The following TRAP1 variants were observed in gnomAD, a reference collection of about 807,000 sequenced individuals.
TRAP1 encodes the protein heat shock protein 75 kDa, mitochondrial.
In TRAP1, 102 loss-of-function variants were observed where a neutral mutation model predicts 89.1. The ratio of observed to expected loss-of-function variants is 1.15; its 90% CI spans 0.98 to 1.35. TRAP1 has a LOEUF of 1.35. Ranked by LOEUF, TRAP1 falls within the 40% of genes most tolerant of loss-of-function variation. The pLI is 0.00. For synonymous variants in TRAP1, 508 were observed against 388.0 expected, an observed-to-expected ratio of 1.31 and a Z score of -3.64; for missense variants, 1,256 against 945.3, an observed-to-expected ratio of 1.33 and a Z score of -4.31.
chr16:3,667,481 A>G (rs1436649195), intron 11 of TRAP1, among the ~76,000 whole-genome samples: 3 of 151,270 alleles, frequency 2.0e-5, no homozygotes, highest in Non-Finnish European at 4.4e-5. Context: ...AAAAATTACC[A>G]GGGCATGGTG....
rs760902038 is a variant in TRAP1, at chr16:3,670,382, C to CAAAAAAAAAAAAAAAAAAAA, written c.1235+1320_1235+1339dup. On this transcript the variant is annotated intron_variant, in intron 11 of 17. Coordinates refer to ENST00000246957, the MANE Select transcript of TRAP1 (RefSeq NM_016292.3). ...TGGGCGACAGAGCAAGACTCCGTCT[C>CAAAAAAAAAAAAAAAAAAAA]AAAAAAAAAAAAAAAAAAAAAAAAA... 8.8e-4 allele frequency among the ~76,000 whole-genome samples: 20 copies of CAAAAAAAAAAAAAAAAAAAA among 22,834 alleles called. 4 individuals are homozygous for CAAAAAAAAAAAAAAAAAAAA. Among genetic ancestry groups the CAAAAAAAAAAAAAAAAAAAA allele is most frequent in the Non-Finnish European group, 1.2e-3 (13 of 10,762 alleles). 15.0% of individuals were successfully genotyped at this position (22,834 alleles called of 152,430 possible).
chr16:3,671,664 A>G, intron 11 of TRAP1, 58 bp downstream of exon 11: 1 of 1,576,150 alleles, frequency 6.3e-7, no homozygotes, highest in Non-Finnish European at 8.6e-7. Flanking sequence ...CTGGGGGCAA[A>G]GGAGCAGGTA....
At chr16:3,703,287 C>CCA (rs1432470907) in intron 1 of TRAP1, among the ~76,000 whole-genome samples, 1 of 151,368 alleles carries the variant, frequency 6.6e-6, no homozygotes, top group African/African-American at 2.4e-5. Flanking sequence ...ATTAAATAAC[C>CCA]CACTTAAGAC....
At chr16:3,713,022 G>A (rs985128505) in intron 1 of TRAP1, among the ~76,000 whole-genome samples, 4 of 152,154 alleles carry the variant, frequency 2.6e-5, no homozygotes, top group Admixed American at 6.6e-5. Context: ...TTCCTCTGCC[G>A]TCTAAGTGCC....
In TRAP1 at chr16:3,671,349, G is replaced by A. The variant is rs182873245; in HGVS notation, c.1235+373C>T. On this transcript the variant is annotated intron_variant, in intron 11 of 17. Transcript: ENST00000246957. ...ACTATTTGGTGAGCCTGGGGCCAGA[G>A]TGGGGAAGTGATAGCTACTGATGGA... 1.6e-3 allele frequency among the ~76,000 whole-genome samples: 246 copies of A among 152,370 alleles called. 1 individual carries two copies. Among genetic ancestry groups the A allele is most frequent in the Admixed American group, 3.3e-3 (51 of 15,308 alleles).
chr16:3,667,837 C>T (rs2050857244), intron 11 of TRAP1, among the ~76,000 whole-genome samples: 1 of 149,286 alleles, frequency 6.7e-6, no homozygotes, highest in Non-Finnish European at 1.5e-5. Flanking sequence ...CGGCTCACTG[C>T]AACCTCTGCC....
chr16:3,706,935 G>A (rs1176902661), intron 1 of TRAP1, among the ~76,000 whole-genome samples: 1 of 152,134 alleles, frequency 6.6e-6, no homozygotes, highest in Non-Finnish European at 1.5e-5. Flanking sequence ...GACTGTGTGA[G>A]GAGCTGCAAG....
At chr16:3,670,413 C>G (rs1362431291) in intron 11 of TRAP1, among the ~76,000 whole-genome samples, 1 of 76,688 alleles carries the variant, frequency 1.3e-5, no homozygotes, top group African/African-American at 7.6e-5. Context: ...AAAAAAAAAT[C>G]TAAGTGGCCA....
chr16:3,715,034 C>A (rs72760814), intron 1 of TRAP1, among the ~76,000 whole-genome samples: 11,128 of 152,242 alleles, frequency 0.073, 473 homozygotes, highest in Middle Eastern at 0.12. Flanking sequence ...GGGCACCTGC[C>A]ACGCAGAAGG....
At chr16:3,693,388 A>T (rs911254933) in intron 1 of TRAP1, among the ~76,000 whole-genome samples, 2 of 98,644 alleles carry the variant, frequency 2.0e-5, no homozygotes, top group South Asian at 8.6e-4. Context: ...TCGTACAGTT[A>T]AAAAAAAAAA....
chr16:3,695,104 G>A (rs1422702909), intron 1 of TRAP1, among the ~76,000 whole-genome samples: 3 of 152,108 alleles, frequency 2.0e-5, no homozygotes, highest in African/African-American at 7.2e-5. Context: ...CAGTCATACT[G>A]GATTAGGGCC....
At chr16:3,663,627 TGAGGGCGGCAG>T in intron 13 of TRAP1, 65 bp from the exon 14 acceptor site, 2 of 1,600,266 alleles carry the variant, frequency 1.2e-6, no homozygotes, top group Non-Finnish European at 1.7e-6. Flanking sequence ...GAAGAAAGGA[TGAGGGCGGCAG>T]GAGGGCTGGG....
At chr16:3,695,208 A>G (rs1423583532) in intron 1 of TRAP1, among the ~76,000 whole-genome samples, 3 of 152,170 alleles carry the variant, frequency 2.0e-5, no homozygotes, top group Non-Finnish European at 1.5e-5. Context: ...GGACTTCAAC[A>G]TCTTTCGTGG....
chr16:3,714,586 G>A (rs2051573196), intron 1 of TRAP1, among the ~76,000 whole-genome samples: 1 of 152,222 alleles, frequency 6.6e-6, no homozygotes, highest in Non-Finnish European at 1.5e-5. Flanking sequence ...TCGAACCCAG[G>A]AGGCGGAGGG....
At chr16:3,663,200 G>A in intron 14 of TRAP1, 1 of 686,410 alleles carries the variant, frequency 1.5e-6, no homozygotes, top group Non-Finnish European at 2.4e-6. Flanking sequence ...AAGAAGCTGG[G>A]CCAGCTCCAG....
intron 1 of TRAP1, among the ~76,000 whole-genome samples, chr16:3,705,451 G>T (rs1161579594): frequency 6.6e-6 from 1 of 151,984 alleles, no homozygotes; most frequent in African/African-American, 2.4e-5. Flanking sequence ...ACCAGCTCTT[G>T]GCAACTACTC....
chr16:3,707,645 G>A (rs1194911210), intron 1 of TRAP1, among the ~76,000 whole-genome samples: 2 of 150,694 alleles, frequency 1.3e-5, no homozygotes, highest in Non-Finnish European at 3.0e-5. Flanking sequence ...CCTGAGGTCA[G>A]GAGTTCGAGA....
At chr16:3,665,874 T>C in intron 12 of TRAP1, 97 bp downstream of exon 12, 1 of 1,466,340 alleles carries the variant, frequency 6.8e-7, no homozygotes, top group Non-Finnish European at 9.1e-7. Flanking sequence ...GGTACCCAGC[T>C]GCACCGTCGC....
rs2051203641 is a variant in TRAP1, at chr16:3,690,832, A to C, written c.242T>G (p.Val81Gly). The C allele has an allele frequency of 6.7e-7, 1 of 1,485,270 alleles. No homozygotes were observed. Among genetic ancestry groups the C allele is most frequent in the Middle Eastern group, 1.8e-4 (1 of 5,454 alleles). 92.0% of individuals were successfully genotyped at this position (1,485,270 alleles called of 1,614,324 possible). A position where few individuals can be genotyped will look rare whatever the true frequency, so the allele number is the denominator to read the frequency against. ...AAAGCACGAGCCAAGGCTACCCTGCACGCTCTCTGTGCTGCTGATAATCGA... is the reference window on the plus strand; with the variant it reads ...AAAGCACGAGCCAAGGCTACCCTGCCCGCTCTCTGTGCTGCTGATAATCGA... ...LHSIISSTES[V>G]QGSTSKHEFQ... Residue 81 changes from valine to glycine, a missense_variant, in exon 2 of 18, where the codon GTG becomes GGG. By Grantham distance (109) the Val-to-Gly change is moderately radical. Coordinates refer to ENST00000246957, the MANE Select transcript of TRAP1 (RefSeq NM_016292.3).
Sources: allele counts gnomAD v4.1 joint callset (sites outside exome capture counted in the v4.1 genomes callset), GRCh38; gene constraint gnomAD v4.1.1; transcripts MANE v1.5; gene names NCBI Gene and HGNC (gene_info 2026-07-23, HGNC 2026-07-21).